The following CTNNA2 variants were observed in gnomAD, a reference collection of about 807,000 sequenced individuals.
The protein encoded by CTNNA2 is catenin alpha 2.
CTNNA2 carries 42 observed loss-of-function variants against 101.0 expected under a neutral mutation model. That is an observed-to-expected ratio of 0.42 (90% CI 0.32 to 0.54). The LOEUF is 0.54. Among genes scored for constraint, CTNNA2 ranks in the 20% least tolerant of loss-of-function variants. The pLI is 0.14. For missense variants in CTNNA2, 871 were observed against 1,223.1 expected (o/e 0.71, Z 4.29); for synonymous variants, 450 against 456.4 (o/e 0.99, Z 0.18).
chr2:79,489,244 G>T (rs899059330), intron 4 of CTNNA2, among the ~76,000 whole-genome samples: 1 of 152,116 alleles, frequency 6.6e-6, no homozygotes, highest in Non-Finnish European at 1.5e-5. Context: ...TATGGTAACT[G>T]ATATCAAATT....
chr2:80,274,805 T>C (rs1302399253), intron 7 of CTNNA2, among the ~76,000 whole-genome samples: 2 of 152,330 alleles, frequency 1.3e-5, no homozygotes, highest in South Asian at 2.1e-4. Flanking sequence ...TCAACTTACA[T>C]GTCAGCTCTT....
intron 14 of CTNNA2, among the ~76,000 whole-genome samples, chr2:80,583,353 A>T (rs906561973): frequency 2.6e-5 from 4 of 152,170 alleles, no homozygotes; most frequent in African/African-American, 9.6e-5. Flanking sequence ...CTATTTCAAA[A>T]ATTCCTTGCA....
intron 3 of CTNNA2, among the ~76,000 whole-genome samples, chr2:79,811,116 A>T (rs1676995828): frequency 6.6e-6 from 1 of 151,340 alleles, no homozygotes; most frequent in South Asian, 2.1e-4. Context: ...GACTTCCACA[A>T]TGGTTGAACT....
At chr2:79,596,439 C>A (rs1677194603) in intron 1 of CTNNA2, among the ~76,000 whole-genome samples, 1 of 151,854 alleles carries the variant, frequency 6.6e-6, no homozygotes, top group Admixed American at 6.6e-5. Context: ...AAGAAATATA[C>A]CTTGTGTATA....
At chr2:79,528,981 G>A (rs543289743) in intron 1 of CTNNA2, among the ~76,000 whole-genome samples, 12 of 152,268 alleles carry the variant, frequency 7.9e-5, no homozygotes, top group African/African-American at 2.9e-4. Context: ...GAAGTTATAG[G>A]TAGCAGTGAT....
chr2:80,274,250 G>C (rs762413761), intron 7 of CTNNA2, among the ~76,000 whole-genome samples: 1 of 152,174 alleles, frequency 6.6e-6, no homozygotes, highest in African/African-American at 2.4e-5. Flanking sequence ...GTCTGAAGAC[G>C]TATTGGGGAT....
chr2:79,546,095 G>A (rs1027947013), intron 1 of CTNNA2, among the ~76,000 whole-genome samples: 1 of 152,082 alleles, frequency 6.6e-6, no homozygotes, highest in Non-Finnish European at 1.5e-5. Context: ...TCTTAACCAT[G>A]TTTTCTTTAG....
At chr2:80,505,491 G>C (rs1223637643) in intron 9 of CTNNA2, among the ~76,000 whole-genome samples, 1 of 152,180 alleles carries the variant, frequency 6.6e-6, no homozygotes, top group Admixed American at 6.5e-5. Flanking sequence ...AGCGTAAATT[G>C]AGATCATGCA....
rs538479499 is a variant in CTNNA2, at chr2:80,550,913, T to C, written c.1541-4780T>C. On this transcript the variant is annotated intron_variant, in intron 11 of 18. Coordinates refer to ENST00000402739, the MANE Select transcript of CTNNA2 (RefSeq NM_001282597.3). ...TCTTAGTGGCAACTAGGATGGCGAA[T>C]TCTTTCCAGAAGGCCTTTAATTTAC... Among the ~76,000 whole-genome samples, 4 of 152,344 alleles carry C rather than the reference T, an allele frequency of 2.6e-5. No individual in the cohort carries two copies. In the South Asian group the frequency reaches 8.3e-4, roughly 32 times the overall value.
At chr2:79,287,332 T>C (rs1015504425) in intron 2 of CTNNA2, among the ~76,000 whole-genome samples, 2 of 152,138 alleles carry the variant, frequency 1.3e-5, no homozygotes, top group Non-Finnish European at 2.9e-5. Flanking sequence ...AGAGTCGCTC[T>C]GCTTTTTAGA....
chr2:80,476,684 A>C (rs1227432173), intron 9 of CTNNA2, among the ~76,000 whole-genome samples: 1 of 152,164 alleles, frequency 6.6e-6, no homozygotes, highest in Admixed American at 6.6e-5. Context: ...TTTACTGACA[A>C]CACCACAATG....
intron 7 of CTNNA2, among the ~76,000 whole-genome samples, chr2:80,076,348 G>A (rs188485781): frequency 6.2e-4 from 94 of 151,446 alleles, no homozygotes; most frequent in Middle Eastern, 6.8e-3. Flanking sequence ...GTGCAATCAC[G>A]GTTCACTGTA....
intron 7 of CTNNA2, among the ~76,000 whole-genome samples, chr2:80,065,232 TG>T (rs930193101): frequency 6.6e-6 from 1 of 151,918 alleles, no homozygotes; most frequent in Admixed American, 6.6e-5. Flanking sequence ...TCTGGGGACC[TG>T]GGGGGAGATT....
intron 7 of CTNNA2, among the ~76,000 whole-genome samples, chr2:80,308,832 C>T (rs1370542639): frequency 6.6e-6 from 1 of 152,118 alleles, no homozygotes; most frequent in Non-Finnish European, 1.5e-5. Flanking sequence ...GTAATCCCAG[C>T]ACTTTGGGAG....
chr2:79,713,515 G>A (rs978034158), intron 2 of CTNNA2, among the ~76,000 whole-genome samples: 3 of 152,126 alleles, frequency 2.0e-5, no homozygotes, highest in Non-Finnish European at 4.4e-5. Flanking sequence ...GCAGTATGTT[G>A]GTAAACAAAA....
At chr2:80,540,964 T>C (rs1691502173) in intron 9 of CTNNA2, among the ~76,000 whole-genome samples, 1 of 152,196 alleles carries the variant, frequency 6.6e-6, no homozygotes. Context: ...GCTGGGATTA[T>C]AGGCGTGAGC....
intron 2 of CTNNA2, among the ~76,000 whole-genome samples, chr2:79,264,008 A>G (rs1674957986): frequency 6.6e-6 from 1 of 152,234 alleles, no homozygotes; most frequent in African/African-American, 2.4e-5. Flanking sequence ...CACTTAAGAA[A>G]GACACATGCA....
intron 1 of CTNNA2, among the ~76,000 whole-genome samples, chr2:79,553,200 A>C (rs1402330946): frequency 1.3e-5 from 2 of 152,100 alleles, no homozygotes; most frequent in African/African-American, 2.4e-5. Flanking sequence ...TTCAAGTTCA[A>C]ATTTCCAAAT....
At chr2:79,402,136 C>G (rs1003429724) in intron 4 of CTNNA2, among the ~76,000 whole-genome samples, 6 of 151,578 alleles carry the variant, frequency 4.0e-5, no homozygotes, top group Admixed American at 6.6e-5. Flanking sequence ...ATCCACCTAG[C>G]AAAAGAGTCC....
Sources: allele counts gnomAD v4.1 joint callset (sites outside exome capture counted in the v4.1 genomes callset), GRCh38; gene constraint gnomAD v4.1.1; transcripts MANE v1.5; gene names NCBI Gene and HGNC (gene_info 2026-07-23, HGNC 2026-07-21).